SLC43A1: variants seen among roughly 807,000 people sequenced by gnomAD.
The protein encoded by SLC43A1 is solute carrier family 43 member 1.
In SLC43A1, 31 loss-of-function variants were observed where a neutral mutation model predicts 59.5. The ratio of observed to expected loss-of-function variants is 0.52; its 90% confidence interval spans 0.39 to 0.70. The LOEUF is 0.70. Ranked by LOEUF, SLC43A1 falls within the 30% of genes least tolerant of loss-of-function variation. SLC43A1 has a pLI of 0.00. For missense variants in SLC43A1, 598 were observed against 717.8 expected (o/e 0.83, Z 1.91); for synonymous variants, 259 against 290.9 (o/e 0.89, Z 1.12).
intron 5 of SLC43A1, among the ~76,000 whole-genome samples, chr11:57,499,322 T>TCAA (rs1253899078): frequency 3.6e-4 from 22 of 60,928 alleles, no homozygotes; most frequent in Middle Eastern, 8.2e-3. Context: ...AGACTCCGTC[T>TCAA]CAACAAAAAA....
At chr11:57,496,189 T>TG (rs34256751) in intron 6 of SLC43A1, 25 bp from the exon 7 acceptor site, 1 of 1,612,324 alleles carries the variant, frequency 6.2e-7, no homozygotes, top group Non-Finnish European at 8.5e-7. Context: ...GGCAGGCCCG[T>TG]GGGGGAGACT....
chr11:57,501,481 C>T, intron 2 of SLC43A1, 152 bp from the exon 3 acceptor site: 1 of 704,136 alleles, frequency 1.4e-6, no homozygotes, highest in Non-Finnish European at 2.4e-6. Context: ...TGGGGCTGCT[C>T]CAGAAATGGC....
chr11:57,488,712 T>C (rs1489674864), intron 13 of SLC43A1, among the ~76,000 whole-genome samples: 2 of 152,184 alleles, frequency 1.3e-5, no homozygotes, highest in South Asian at 2.1e-4. Context: ...AAGCCAGGTA[T>C]TTCAGCTTCC....
intron 2 of SLC43A1, among the ~76,000 whole-genome samples, chr11:57,510,851 G>A (rs534653768): frequency 1.2e-4 from 19 of 152,058 alleles, no homozygotes; most frequent in Admixed American, 3.9e-4. Flanking sequence ...AATTAGCCGA[G>A]CATGGTGGCG....
At chr11:57,510,730 G>A (rs925650853) in intron 2 of SLC43A1, among the ~76,000 whole-genome samples, 5 of 151,834 alleles carry the variant, frequency 3.3e-5, no homozygotes, top group Middle Eastern at 3.2e-3. Flanking sequence ...AGTGGCTCAC[G>A]CCTGTAAATT....
rs778558957 is a variant in SLC43A1, at chr11:57,485,145, T to C, written c.1631A>G (p.Asn544Ser). Reference protein sequence around the residue: ...RARLQQEYAANGMGPLKVLSG... With the variant: ...RARLQQEYAASGMGPLKVLSG... ...AAGCACCTTCAGTGGGCCCATCCCATTGGCGGCGTACTCCTGCTGGAGCCG... is the reference window on the plus strand; with the variant it reads ...AAGCACCTTCAGTGGGCCCATCCCACTGGCGGCGTACTCCTGCTGGAGCCG... The change falls in exon 15 of 15, where the codon AAT (asparagine) becomes AGT (serine). Residue 544 changes from asparagine (N) to serine (S), a missense_variant. Physicochemically the swap from Asn to Ser is conservative, Grantham distance 46 (BLOSUM62 1). Transcript: ENST00000278426. 1.9e-6 allele frequency: 3 copies of C among 1,614,046 alleles called. No homozygotes were observed. Among genetic ancestry groups the C allele is most frequent in the African/African-American group, 1.3e-5 (1 of 74,998 alleles).
chr11:57,500,940 T>C, intron 4 of SLC43A1, 48 bp downstream of exon 4: 1 of 1,596,590 alleles, frequency 6.3e-7, no homozygotes, highest in South Asian at 1.1e-5. Flanking sequence ...TCCGCCTTCA[T>C]CCCACCTATT....
chr11:57,484,973 G>T lies in SLC43A1; in HGVS notation c.*123C>A. 8.5e-7 allele frequency: 1 copy of T among 1,172,954 alleles called. No individual in the cohort carries two copies. The highest frequency in any genetic ancestry group is 3.4e-5 in the Admixed American group (1 of 29,842). The allele number at this position is 1,172,954 out of a possible 1,614,324, so 72.7% of individuals were successfully genotyped here. ...CTTTACAAAAATAGAACTTCTCTTG[G>T]TATTTATAAATCTACGGCCATGGCT... On this transcript the variant is annotated 3_prime_UTR_variant, in exon 15 of 15. Transcript: ENST00000278426.
At chr11:57,512,226 T>G (rs1304260661) in intron 2 of SLC43A1, among the ~76,000 whole-genome samples, 1 of 152,152 alleles carries the variant, frequency 6.6e-6, no homozygotes, top group East Asian at 1.9e-4. Context: ...TCAAAATGTA[T>G]GATGTAATCT....
chr11:57,514,210 G>C lies in SLC43A1; in HGVS notation c.-13-86C>G. On this transcript the variant is annotated intron_variant, in intron 1 of 14. Transcript: ENST00000278426. This position sits in a 1 kb window ranked among gnomAD's most constrained non-coding sequence, Gnocchi z 5.5. ...ATCATGGTGGCACCCGAGACCTCTCGGGCCAGCCCGCGAGGAGCCCCTCAT... is the reference window on the plus strand; with the variant it reads ...ATCATGGTGGCACCCGAGACCTCTCCGGCCAGCCCGCGAGGAGCCCCTCAT... The C allele has an allele frequency of 1.4e-6, 2 of 1,427,182 alleles. No homozygotes were observed. The highest frequency in any genetic ancestry group is 2.8e-5 in the Admixed American group (1 of 36,022). 88.4% of individuals were successfully genotyped at this position (1,427,182 alleles called of 1,614,324 possible).
Position 57,494,098 on chromosome 11 carries a change from T to G in SLC43A1, c.766A>C (p.Thr256Pro). ...TGDLFYTHVT[T>P]MGQRLSQKAP... ...TTCTGGCTGAGCCTCTGGCCCATGG[T>G]GGTCACATGGGTGTAGAAGAGGTCA... Residue 256 changes from threonine (T) to proline (P), a missense_variant, in exon 8 of 15, where the codon ACC becomes CCC. Transcript: ENST00000278426. 1 of 1,611,476 alleles carries G rather than the reference T, an allele frequency of 6.2e-7. No homozygotes were observed. The highest frequency in any genetic ancestry group is 1.1e-5 in the South Asian group (1 of 90,642).
chr11:57,490,174 A>G (rs1047987536), intron 11 of SLC43A1, among the ~76,000 whole-genome samples: 1 of 152,106 alleles, frequency 6.6e-6, no homozygotes, highest in Non-Finnish European at 1.5e-5. Flanking sequence ...ATCTGGGTTC[A>G]AGACTCCATG....
intron 2 of SLC43A1, among the ~76,000 whole-genome samples, chr11:57,509,644 AG>A (rs1677533717): frequency 1.2e-5 from 1 of 82,790 alleles, no homozygotes; most frequent in Non-Finnish European, 2.7e-5. Context: ...GAAGGAAGGA[AG>A]GAAGGAGGGA....
rs1229145654 is a variant in SLC43A1 at position 57,488,948 on chromosome 11, G to A, written c.1377C>T (p.Phe459=). 5 of 1,614,086 alleles carry A rather than the reference G, an allele frequency of 3.1e-6. No individual in the cohort carries two copies. Among genetic ancestry groups the A allele is most frequent in the Non-Finnish European group, 4.2e-6 (5 of 1,180,020 alleles). The change falls in exon 13 of 15, where the codon TTC becomes TTT. Residue 459 remains phenylalanine (F), a synonymous_variant. Transcript: ENST00000278426. ...CATAGAGACTCCCACAGGCTGAGTG[G>A]AAGAAACCTCGAACAATGGTGTGCA... The part of the protein sequence containing the change: ...FVLHTIVRGF[F]HSACGSLYAA...
At chr11:57,496,621 C>A (rs546204853) in intron 6 of SLC43A1, among the ~76,000 whole-genome samples, 2 of 152,300 alleles carry the variant, frequency 1.3e-5, no homozygotes, top group African/African-American at 4.8e-5. Flanking sequence ...AAAAGGCAAA[C>A]CCAGACTGCT....
rs1355639536 is a variant in SLC43A1, at chr11:57,514,217, C to T, written c.-13-93G>A. ...TGGCACCCGAGACCTCTCGGGCCAG[C>T]CCGCGAGGAGCCCCTCATGGAGGCC... On this transcript the variant is annotated intron_variant, in intron 1 of 14. Coordinates refer to ENST00000278426, the MANE Select transcript of SLC43A1 (RefSeq NM_003627.6). The surrounding 1 kb of genome is among the most constrained non-coding windows in gnomAD (Gnocchi z 5.5). 7.2e-7 allele frequency: 1 copy of T among 1,397,834 alleles called. No homozygotes were observed. Among genetic ancestry groups the T allele is most frequent in the Non-Finnish European group, 9.4e-7 (1 of 1,063,280 alleles). The allele number at this position is 1,397,834 out of a possible 1,614,324, so 86.6% of individuals were successfully genotyped here. A position where few individuals can be genotyped will look rare whatever the true frequency, so the allele number is the denominator to read the frequency against.
At chr11:57,492,215 A>C (rs1943926713) in intron 8 of SLC43A1, among the ~76,000 whole-genome samples, 1 of 139,934 alleles carries the variant, frequency 7.1e-6, no homozygotes, top group African/African-American at 2.7e-5. Context: ...AAATATATAT[A>C]TATATTTATT....
chr11:57,495,694 G>A (rs1944058991), intron 7 of SLC43A1, among the ~76,000 whole-genome samples: 1 of 152,102 alleles, frequency 6.6e-6, no homozygotes, highest in African/African-American at 2.4e-5. Context: ...GCATGGTGGT[G>A]TGTGCCTGTA....
At position 57,505,667 on chromosome 11, in the gene SLC43A1, AT is replaced by A. The variant is rs530955484; in HGVS notation, c.155-4339del. On this transcript the variant is annotated intron_variant, in intron 2 of 14. Transcript: ENST00000278426. ...GAATATTACACTTTAGAATGAAGCT[AT>A]TTTTTTTTAAGCAGACTGATTCAAA... Among the ~76,000 whole-genome samples, 471 of 151,730 alleles carry A rather than the reference AT, an allele frequency of 3.1e-3. 4 individuals are homozygous for A. The highest frequency in any genetic ancestry group is 0.01 in the Middle Eastern group (3 of 290).
Sources: gnomAD v4.1 joint callset for allele counts (sites outside exome capture counted in the v4.1 genomes callset) on GRCh38, gnomAD v4.1.1 for gene constraint, Gnocchi (gnomAD v3.1) non-coding constraint, MANE v1.5 for transcripts, NCBI Gene and HGNC (gene_info 2026-07-23, HGNC 2026-07-21) for gene names.